STT3A: variants seen among roughly 807,000 people sequenced by gnomAD.
The protein encoded by STT3A is STT3 oligosaccharyltransferase complex catalytic subunit A.
In STT3A, 34 loss-of-function variants were observed where a neutral mutation model predicts 89.2. The observed-to-expected ratio is 0.38, with a 90% CI of 0.29 to 0.51. The LOEUF is 0.51. Among genes scored for constraint, STT3A ranks in the 20% least tolerant of loss-of-function variants. The pLI is 0.89. For missense variants in STT3A, 555 were observed against 889.5 expected, an observed-to-expected ratio of 0.62 and a Z score of 4.78; for synonymous variants, 282 against 310.3, an observed-to-expected ratio of 0.91 and a Z score of 0.96.
At position 125,595,803 on chromosome 11, in the gene STT3A, T is replaced by TCCC. The variant is rs1357161799; in HGVS notation, c.-35-77_-35-75dup. 6.8e-6 allele frequency: 5 copies of TCCC among 737,770 alleles called. No homozygotes were observed. In the African/African-American group the frequency reaches 8.8e-5, roughly 13 times the overall value. The allele number at this position is 737,770 out of a possible 1,614,324, so 45.7% of individuals were successfully genotyped here. A position where few individuals can be genotyped will look rare whatever the true frequency, so the allele number is the denominator to read the frequency against. ...TGCTAGCTCCTACGTCCTTTATGAT[T>TCCC]CCCTCTCATCATAAAATATGAAAAT... is the stretch of plus-strand genomic sequence containing the variant. On this transcript the variant is annotated intron_variant, in intron 1 of 17. Transcript: ENST00000392708.
intron 10 of STT3A, among the ~76,000 whole-genome samples, chr11:125,610,396 T>C (rs1249703808): frequency 6.6e-6 from 1 of 152,090 alleles, no homozygotes; most frequent in Non-Finnish European, 1.5e-5. Context: ...GTGAAAGTAA[T>C]TTGTGTATTG....
At chr11:125,616,200 A>G (rs2135944012) in intron 15 of STT3A, among the ~76,000 whole-genome samples, 1 of 152,302 alleles carries the variant, frequency 6.6e-6, no homozygotes, top group East Asian at 1.9e-4. Flanking sequence ...TCACCAGGAT[A>G]CCAGAATTTG....
chr11:125,599,331 G>A (rs1202110004), intron 3 of STT3A, among the ~76,000 whole-genome samples: 1 of 152,220 alleles, frequency 6.6e-6, no homozygotes, highest in African/African-American at 2.4e-5. Context: ...GGGTTAGAGA[G>A]GTGGGCAGAG....
In STT3A at chr11:125,614,378, A is replaced by G; in HGVS notation, c.1726A>G (p.Ser576Gly). 1 of 1,614,138 alleles carries G rather than the reference A, an allele frequency of 6.2e-7. No individual in the cohort carries two copies. The highest frequency in any genetic ancestry group is 8.5e-7 in the Non-Finnish European group (1 of 1,180,006). ...TGAGATCATGAGGGAGCTCGATGTCAGCTATGTGCTGGTCATTTTTGGAGG... is the reference window on the plus strand; with the variant it reads ...TGAGATCATGAGGGAGCTCGATGTCGGCTATGTGCTGGTCATTTTTGGAGG... Reference protein sequence around the residue: ...AYEIMRELDVSYVLVIFGGLT... With the variant: ...AYEIMRELDVGYVLVIFGGLT... Residue 576 changes from serine to glycine, a missense_variant, in exon 15 of 18, where the codon AGC becomes GGC. Physicochemically the swap from Ser to Gly is moderately conservative, Grantham distance 56. Transcript: ENST00000392708. This position sits in a 1 kb window ranked among gnomAD's most constrained non-coding sequence, Gnocchi z 4.9.
intron 10 of STT3A, among the ~76,000 whole-genome samples, chr11:125,610,553 TA>T (rs34820682): frequency 0.39 from 59,504 of 151,172 alleles, 12,074 homozygotes; most frequent in African/African-American, 0.5. Flanking sequence ...ACCCACGTCT[TA>T]AAAAAAACAA....
At chr11:125,605,825 G>C in intron 7 of STT3A, 90 bp downstream of exon 7, 1 of 1,125,634 alleles carries the variant, frequency 8.9e-7, no homozygotes, top group Non-Finnish European at 1.3e-6. Context: ...TTTCTTTTCT[G>C]GTAGGTTCCC....
chr11:125,599,347 G>A (rs986658349), intron 3 of STT3A, among the ~76,000 whole-genome samples: 14 of 152,166 alleles, frequency 9.2e-5, no homozygotes, highest in African/African-American at 2.9e-4. Flanking sequence ...CAGAGAGGAC[G>A]GTTAGTCATG....
chr11:125,597,005 GCTGTT>G, intron 2 of STT3A, 49 bp from the exon 3 acceptor site: 1 of 1,566,168 alleles, frequency 6.4e-7, no homozygotes, highest in Non-Finnish European at 8.8e-7. Context: ...TACTATATCT[GCTGTT>G]CTTTCATGGC....
chr11:125,595,557 G>A (rs1009223232), intron 1 of STT3A, among the ~76,000 whole-genome samples: 5 of 151,462 alleles, frequency 3.3e-5, no homozygotes, highest in Admixed American at 6.6e-5. Flanking sequence ...AATCTTTCCT[G>A]TTTATTTTTT....
At position 125,602,442 on chromosome 11, in the gene STT3A, GT is replaced by G. The variant is rs527876553; in HGVS notation, c.271+29del. ...TTACCCAGGTGAGGAGACCAGATGTGTTTTTTTTTTTAAAAAAAAAACAGAA... is the reference window on the plus strand; with the variant it reads ...TTACCCAGGTGAGGAGACCAGATGTGTTTTTTTTTTAAAAAAAAAACAGAA... On this transcript the variant is annotated intron_variant, in intron 4 of 17. Coordinates refer to ENST00000392708, the MANE Select transcript of STT3A (RefSeq NM_152713.5). 3.7e-3 allele frequency: 4,563 copies of G among 1,243,440 alleles called. No homozygotes were observed. Among genetic ancestry groups the G allele is most frequent in the Middle Eastern group, 7.4e-3 (36 of 4,852 alleles). The allele number at this position is 1,243,440 out of a possible 1,614,324, so 77.0% of individuals were successfully genotyped here. A position where few individuals can be genotyped will look rare whatever the true frequency, so the allele number is the denominator to read the frequency against.
chr11:125,612,820 G>A, intron 12 of STT3A, 73 bp downstream of exon 12: 3 of 1,566,386 alleles, frequency 1.9e-6, no homozygotes, highest in East Asian at 2.2e-5. Context: ...TGGGCAGCGG[G>A]GGGTGGGAGG....
intron 10 of STT3A, chr11:125,609,941 A>G: frequency 4.8e-6 from 1 of 207,298 alleles, no homozygotes; most frequent in Non-Finnish European, 9.6e-6. Flanking sequence ...TTGAAGTCCC[A>G]TAATGAGTAC....
At chr11:125,609,799 T>G in intron 10 of STT3A, 1 of 475,626 alleles carries the variant, frequency 2.1e-6, no homozygotes, top group Non-Finnish European at 3.6e-6. Flanking sequence ...AGCCTCACAG[T>G]TTTCTGTTCA....
intron 11 of STT3A, 95 bp downstream of exon 11, chr11:125,611,614 C>T: frequency 2.7e-6 from 3 of 1,125,438 alleles, no homozygotes; most frequent in Non-Finnish European, 3.9e-6. Context: ...GATGATTGTG[C>T]ACATGCTTCC....
At position 125,609,600 on chromosome 11, in the gene STT3A, T is replaced by C; in HGVS notation, c.1117+11T>C. The C allele has an allele frequency of 1.2e-6, 2 of 1,603,922 alleles. No homozygotes were observed. Among genetic ancestry groups the C allele is most frequent in the Non-Finnish European group, 1.7e-6 (2 of 1,176,730 alleles). On this transcript the variant is annotated intron_variant, in intron 10 of 17. Transcript: ENST00000392708. ...TCTTCATGTTTCCAGGTATGTGGCC[T>C]CGTGTTCTGAAATGGCCTTGTTCAT... is the stretch of plus-strand genomic sequence containing the variant.
chr11:125,621,459 A>G lies in STT3A; in HGVS notation c.*649A>G, dbSNP rs1940347220. The stretch of plus-strand genomic sequence containing the variant: ...TTTGAAGACTCAAGACAAACAGTGA[A>G]ATTATTGGTTTATCAATGGAGAGGA... On this transcript the variant is annotated 3_prime_UTR_variant, in exon 18 of 18. Transcript: ENST00000392708. 6.6e-6 allele frequency: 1 copy of G among 152,216 alleles called. No individual in the cohort carries two copies. The highest frequency in any genetic ancestry group is 1.5e-5 in the Non-Finnish European group (1 of 68,036). 9.4% of individuals were successfully genotyped at this position (152,216 alleles called of 1,614,324 possible).
At chr11:125,609,619 T>C (rs1446251471) in intron 10 of STT3A, 30 bp downstream of exon 10, 1 of 1,578,166 alleles carries the variant, frequency 6.3e-7, no homozygotes, top group Non-Finnish European at 8.6e-7. Flanking sequence ...GAAATGGCCT[T>C]GTTCATAAGA....
chr11:125,613,217 A>C lies in STT3A; in HGVS notation c.1554+40A>C. 1 of 1,602,978 alleles carries C rather than the reference A, an allele frequency of 6.2e-7. No individual in the cohort carries two copies. The highest frequency in any genetic ancestry group is 8.5e-7 in the Non-Finnish European group (1 of 1,172,700). On this transcript the variant is annotated intron_variant, in intron 13 of 17. Coordinates refer to ENST00000392708, the MANE Select transcript of STT3A (RefSeq NM_152713.5). This position sits in a 1 kb window ranked among gnomAD's most constrained non-coding sequence, Gnocchi z 4.2. Reference sequence around the variant, plus strand: ...GGGGTGGGAATTGTGGGTTAGGGGCAAAGGGGAAGACATTTGATGTTACAG... The same window carrying C: ...GGGGTGGGAATTGTGGGTTAGGGGCCAAGGGGAAGACATTTGATGTTACAG...
At chr11:125,615,706 T>C (rs1940158495) in intron 15 of STT3A, among the ~76,000 whole-genome samples, 1 of 152,154 alleles carries the variant, frequency 6.6e-6, no homozygotes, top group Admixed American at 6.5e-5. Flanking sequence ...GGAGGGGATA[T>C]ATAAGTTAGA....
Sources: allele counts gnomAD v4.1 joint callset (sites outside exome capture counted in the v4.1 genomes callset), GRCh38; gene constraint gnomAD v4.1.1; non-coding constraint Gnocchi (gnomAD v3.1); transcripts MANE v1.5; gene names NCBI Gene and HGNC (gene_info 2026-07-23, HGNC 2026-07-21).